Variants in GDPD5 observed in about 807,000 individuals in gnomAD.
GDPD5 encodes the protein glycerophosphodiester phosphodiesterase domain containing 5, also known as glycerophosphodiester phosphodiesterase 2.
Under a neutral mutation model 75.1 loss-of-function variants are expected in GDPD5, and 48 were observed. That is an observed-to-expected ratio of 0.64 (90% CI 0.51 to 0.81). GDPD5 has a LOEUF of 0.81. Ranked by LOEUF, GDPD5 falls within the 40% of genes least tolerant of loss-of-function variation. The pLI is 0.00. For missense variants in GDPD5, 706 were observed against 822.6 expected, an observed-to-expected ratio of 0.86 and a Z score of 1.73; for synonymous variants, 336 against 339.0, an observed-to-expected ratio of 0.99 and a Z score of 0.10.
At chr11:75,464,874 C>T (rs940194664) in intron 3 of GDPD5, among the ~76,000 whole-genome samples, 2 of 152,210 alleles carry the variant, frequency 1.3e-5, no homozygotes, top group Admixed American at 6.5e-5. Context: ...GGAGCTGCCA[C>T]CCAGAGAATG....
chr11:75,457,648 C>T (rs748868058), intron 5 of GDPD5, 45 bp downstream of exon 5: 1 of 1,531,742 alleles, frequency 6.5e-7, no homozygotes, highest in Admixed American at 1.7e-5. Flanking sequence ...AGTATCCCTT[C>T]CCCTGGGAGC....
chr11:75,456,550 A>G, intron 6 of GDPD5: 1 of 594,838 alleles, frequency 1.7e-6, no homozygotes, highest in Non-Finnish European at 3.0e-6. Context: ...CAGTACCTAC[A>G]TCACAAGGTT....
chr11:75,444,523 A>T (rs746562385), intron 9 of GDPD5, 28 bp from the exon 10 acceptor site: 5 of 1,564,170 alleles, frequency 3.2e-6, no homozygotes, highest in African/African-American at 1.4e-5. Flanking sequence ...GTGAAGGGAG[A>T]GCCAAGATTC....
At chr11:75,513,216 T>C (rs1679840500) in intron 1 of GDPD5, among the ~76,000 whole-genome samples, 1 of 152,218 alleles carries the variant, frequency 6.6e-6, no homozygotes, top group Admixed American at 6.5e-5. Context: ...TCAGCCTCCA[T>C]CTTCCCTTCT....
At chr11:75,482,952 A>G (rs890353146) in intron 2 of GDPD5, among the ~76,000 whole-genome samples, 1 of 152,174 alleles carries the variant, frequency 6.6e-6, no homozygotes, top group Non-Finnish European at 1.5e-5. Flanking sequence ...CTTGGACCAT[A>G]CTTCAGAGAA....
chr11:75,444,510 G>A lies in GDPD5; in HGVS notation c.715-15C>T, dbSNP rs771805981. ...TCTGGAGCCAGCTGGGGAAGAAGGG[G>A]TGGTGAAGGGAGAGCCAAGATTCAG... On this transcript the variant is annotated splice_polypyrimidine_tract_variant and intron_variant, in intron 9 of 16. Coordinates refer to ENST00000336898, the MANE Select transcript of GDPD5 (RefSeq NM_030792.8). The A allele has an allele frequency of 2.5e-6, 4 of 1,602,568 alleles. 1 individual carries two copies. Among genetic ancestry groups the A allele is most frequent in the South Asian group, 2.2e-5 (2 of 90,860 alleles).
intron 9 of GDPD5, among the ~76,000 whole-genome samples, chr11:75,447,799 TG>T (rs911713562): frequency 4.6e-5 from 7 of 152,036 alleles, no homozygotes; most frequent in African/African-American, 1.7e-4. Context: ...GGGCTCCAAT[TG>T]GTCCTCACAA....
At chr11:75,517,271 A>G (rs1052000249) in intron 1 of GDPD5, 5 of 152,184 alleles carry the variant, frequency 3.3e-5, no homozygotes, top group African/African-American at 1.2e-4. Flanking sequence ...CCTAACCAAC[A>G]TAGCGAAACT....
intron 1 of GDPD5, among the ~76,000 whole-genome samples, chr11:75,504,236 T>G (rs1181836974): frequency 6.6e-6 from 1 of 152,228 alleles, no homozygotes; most frequent in Non-Finnish European, 1.5e-5. Context: ...ACTGCAAGTC[T>G]GCTGTACGCC....
Position 75,436,675 on chromosome 11 carries a change from C to A in GDPD5, c.1669+261G>T, listed in dbSNP as rs546286683. Among the ~76,000 whole-genome samples, 8 of 152,308 alleles carry A rather than the reference C, an allele frequency of 5.3e-5. No individual in the cohort carries two copies. In the East Asian group the frequency reaches 1.2e-3, roughly 22 times the overall value. ...GACTCCTCTCCCTACCCCACCCCTGCCCACCAACCATGGCACTGACACCAA... is the reference window on the plus strand; with the variant it reads ...GACTCCTCTCCCTACCCCACCCCTGACCACCAACCATGGCACTGACACCAA... On this transcript the variant is annotated intron_variant, in intron 16 of 16. Transcript: ENST00000336898.
intron 1 of GDPD5, among the ~76,000 whole-genome samples, chr11:75,501,459 G>A (rs1347815233): frequency 6.6e-6 from 1 of 152,244 alleles, no homozygotes; most frequent in East Asian, 1.9e-4. Flanking sequence ...AGTACATGGA[G>A]CCATACAAAG....
chr11:75,521,358 C>T (rs1592174461), intron 1 of GDPD5, among the ~76,000 whole-genome samples: 1 of 152,172 alleles, frequency 6.6e-6, no homozygotes, highest in African/African-American at 2.4e-5. Flanking sequence ...ATCTTCTAAG[C>T]ACAGATTTAC....
At chr11:75,510,946 C>G (rs1354685049) in intron 1 of GDPD5, among the ~76,000 whole-genome samples, 1 of 152,224 alleles carries the variant, frequency 6.6e-6, no homozygotes, top group Non-Finnish European at 1.5e-5. Flanking sequence ...GAGCAATTAA[C>G]AGATCACTTC....
chr11:75,465,529 T>C (rs1410511137), intron 3 of GDPD5, among the ~76,000 whole-genome samples: 3 of 152,222 alleles, frequency 2.0e-5, no homozygotes, highest in Non-Finnish European at 4.4e-5. Context: ...GCAGTTTTCG[T>C]GTTCCAGATG....
intron 2 of GDPD5, among the ~76,000 whole-genome samples, chr11:75,484,697 C>T (rs1949986198): frequency 6.6e-6 from 1 of 152,034 alleles, no homozygotes; most frequent in South Asian, 2.1e-4. Context: ...CCAGCCTGGG[C>T]AACATGGTGA....
intron 1 of GDPD5, among the ~76,000 whole-genome samples, chr11:75,496,539 G>A (rs1003288752): frequency 6.6e-6 from 1 of 152,218 alleles, no homozygotes; most frequent in Non-Finnish European, 1.5e-5. Flanking sequence ...TGAGCAGGAC[G>A]TGACAGGACT....
chr11:75,512,540 G>A (rs1950546475), intron 1 of GDPD5, among the ~76,000 whole-genome samples: 1 of 152,198 alleles, frequency 6.6e-6, no homozygotes, highest in Non-Finnish European at 1.5e-5. Flanking sequence ...CCATTGTTCA[G>A]AGGAAGAAAG....
chr11:75,521,942 C>T (rs144857462), intron 1 of GDPD5, among the ~76,000 whole-genome samples: 675 of 152,228 alleles, frequency 4.4e-3, no homozygotes, highest in African/African-American at 0.015. Context: ...TCTTACAGGC[C>T]GTAAGGAGCC....
intron 3 of GDPD5, among the ~76,000 whole-genome samples, chr11:75,475,982 C>T (rs1376710780): frequency 3.9e-5 from 6 of 152,338 alleles, no homozygotes; most frequent in East Asian, 1.9e-4. Context: ...ATGCCTATGA[C>T]TGGCTGGCCT....
Sources: allele counts gnomAD v4.1 joint callset (sites outside exome capture counted in the v4.1 genomes callset), GRCh38; gene constraint gnomAD v4.1.1; transcripts MANE v1.5; gene names NCBI Gene and HGNC (gene_info 2026-07-23, HGNC 2026-07-21).